Variants in SGIP1 observed in about 807,000 individuals in gnomAD.
SGIP1 encodes the protein SH3-containing GRB2-like protein 3-interacting protein 1.
A neutral mutation model predicts 107.5 loss-of-function variants in SGIP1; 38 were observed. That is an observed-to-expected ratio of 0.35 (90% CI 0.27 to 0.46). SGIP1 has a LOEUF of 0.46. Ranked by LOEUF, SGIP1 falls within the 20% of genes least tolerant of loss-of-function variation. SGIP1 has a pLI of 1.00. For missense variants in SGIP1, 929 were observed against 1,019.5 expected, an observed-to-expected ratio of 0.91 and a Z score of 1.21; for synonymous variants, 365 against 366.1, an observed-to-expected ratio of 1.00 and a Z score of 0.03.
chr1:66,667,626 A>G (rs1460397466), intron 9 of SGIP1, 85 bp downstream of exon 9: 1 of 1,212,792 alleles, frequency 8.2e-7, no homozygotes, highest in East Asian at 2.3e-5. Context: ...TTCCCATTAA[A>G]TTTATGATAA....
chr1:66,646,680 T>C (rs1337864793), intron 7 of SGIP1, among the ~76,000 whole-genome samples: 1 of 152,210 alleles, frequency 6.6e-6, no homozygotes, highest in Non-Finnish European at 1.5e-5. Flanking sequence ...TATAATTATA[T>C]GTATATACAA....
intron 1 of SGIP1, among the ~76,000 whole-genome samples, chr1:66,612,029 AAG>A (rs1324786349): frequency 1.5e-5 from 1 of 65,536 alleles, no homozygotes; most frequent in Non-Finnish European, 3.1e-5. Flanking sequence ...TTAGAAAGAG[AAG>A]GTTTATTTGG....
At chr1:66,631,084 AAAGAAAGAAAGAAAG>A (rs2074531145) in intron 2 of SGIP1, among the ~76,000 whole-genome samples, 1 of 143,684 alleles carries the variant, frequency 7.0e-6, no homozygotes, top group Non-Finnish European at 1.5e-5. Context: ...AGAAAGAAAG[AAAGAAAGAAAGAAAG>A]AAAAAAAGAA....
intron 1 of SGIP1, among the ~76,000 whole-genome samples, chr1:66,596,037 A>G (rs1305632819): frequency 6.6e-6 from 1 of 152,226 alleles, no homozygotes; most frequent in African/African-American, 2.4e-5. Flanking sequence ...TTATAAAATC[A>G]CATTTAAAAT....
chr1:66,631,708 TCTCTCTCTCTCTCTCTCTC>T (rs2074783642), intron 2 of SGIP1, among the ~76,000 whole-genome samples: 1 of 110,940 alleles, frequency 9.0e-6, no homozygotes, highest in South Asian at 2.9e-4. Flanking sequence ...TCTCTCTCTC[TCTCTCTCTCTCTCTCTCTC>T]TTCTCACGGG....
chr1:66,733,998 A>T, intron 21 of SGIP1, 118 bp downstream of exon 21: 2 of 1,152,602 alleles, frequency 1.7e-6, no homozygotes, highest in Non-Finnish European at 2.3e-6. Context: ...TAAAAGCTAT[A>T]ACTCATTTTT....
chr1:66,744,243 C>A lies in SGIP1; in HGVS notation c.*1148C>A, dbSNP rs1195014385. 2 of 152,034 alleles carry A rather than the reference C, an allele frequency of 1.3e-5. No individual in the cohort carries two copies. The highest frequency in any genetic ancestry group is 4.8e-5 in the African/African-American group (2 of 41,420). 9.4% of individuals were successfully genotyped at this position (152,034 alleles called of 1,614,324 possible). A position where few individuals can be genotyped will look rare whatever the true frequency, so the allele number is the denominator to read the frequency against. ...TTCACATTACTGTGTAATAAATTTCCTTTTGGATGATTAGGATTCATTGTA... is the reference window on the plus strand; with the variant it reads ...TTCACATTACTGTGTAATAAATTTCATTTTGGATGATTAGGATTCATTGTA... On this transcript the variant is annotated 3_prime_UTR_variant, in exon 25 of 25. Coordinates refer to ENST00000371037, the MANE Select transcript of SGIP1 (RefSeq NM_032291.4).
At chr1:66,722,102 T>C (rs1202736867) in intron 19 of SGIP1, among the ~76,000 whole-genome samples, 1 of 152,034 alleles carries the variant, frequency 6.6e-6, no homozygotes, top group African/African-American at 2.4e-5. Context: ...CACCTCCATA[T>C]TCACTCCACT....
chr1:66,695,330 C>T (rs1364186466), intron 17 of SGIP1, 104 bp from the exon 18 acceptor site: 1 of 1,595,828 alleles, frequency 6.3e-7, no homozygotes, highest in South Asian at 1.1e-5. Context: ...TGCCTCCACC[C>T]TTCCCTATAG....
At chr1:66,706,344 TATAA>T (rs988575113) in intron 18 of SGIP1, among the ~76,000 whole-genome samples, 6 of 42,800 alleles carry the variant, frequency 1.4e-4, no homozygotes, top group Non-Finnish European at 2.5e-4. Context: ...ATATGTAAAA[TATAA>T]ATAAATATTT....
chr1:66,572,748 C>G (rs1395621984), intron 1 of SGIP1, among the ~76,000 whole-genome samples: 1 of 151,962 alleles, frequency 6.6e-6, no homozygotes, highest in Non-Finnish European at 1.5e-5. Context: ...GTCTCCTCTT[C>G]AGTGTGGTGC....
At chr1:66,588,638 CTTTTTTT>C (rs35096597) in intron 1 of SGIP1, among the ~76,000 whole-genome samples, 4 of 98,668 alleles carry the variant, frequency 4.1e-5, no homozygotes, top group Admixed American at 1.1e-4. Context: ...CTAGTTAGTT[CTTTTTTT>C]TTTTTTTTTT....
intron 9 of SGIP1, among the ~76,000 whole-genome samples, chr1:66,668,013 A>T (rs2082955350): frequency 6.6e-6 from 1 of 152,206 alleles, no homozygotes; most frequent in Non-Finnish European, 1.5e-5. Flanking sequence ...GAATATACAG[A>T]TACATCATTA....
chr1:66,682,313 G>A lies in SGIP1; in HGVS notation c.1259G>A (p.Arg420Lys). The A allele has an allele frequency of 1.9e-6, 3 of 1,614,204 alleles. No homozygotes were observed. Among genetic ancestry groups the A allele is most frequent in the Non-Finnish European group, 2.5e-6 (3 of 1,180,024 alleles). The change falls in exon 15 of 25, where the codon AGG becomes AAG. Residue 420 changes from arginine (R) to lysine (K), a missense_variant. Physicochemically the swap from Arg to Lys is conservative, Grantham distance 26. Around this residue, in one of 2 missense-constraint regions of SGIP1, gnomAD observed 588 missense variants for 588.6 expected, o/e 1.00. Coordinates refer to ENST00000371037, the MANE Select transcript of SGIP1 (RefSeq NM_032291.4). ...TPPPPPPPTY[R>K]TVVSSPGPGS... ...CCTCCCCCACCACCACCCACCTACA[G>A]GACTGTGGTTTCGTCCCCCGGACCT... is the stretch of plus-strand genomic sequence containing the variant.
intron 1 of SGIP1, among the ~76,000 whole-genome samples, chr1:66,562,731 A>G (rs1856319): frequency 0.36 from 55,232 of 151,998 alleles, 10,894 homozygotes; most frequent in South Asian, 0.63. Flanking sequence ...GAAAGAAAAA[A>G]TTGAATTGCT....
chr1:66,698,012 G>C (rs1476584495), intron 18 of SGIP1, among the ~76,000 whole-genome samples: 1 of 152,114 alleles, frequency 6.6e-6, no homozygotes, highest in Non-Finnish European at 1.5e-5. Context: ...GTTCCAAATA[G>C]CTTTTCAATT....
chr1:66,636,720 G>T (rs971571611), intron 4 of SGIP1, among the ~76,000 whole-genome samples: 2 of 152,144 alleles, frequency 1.3e-5, no homozygotes, highest in African/African-American at 4.8e-5. Context: ...GTGGAGAAAA[G>T]ATAATATTTA....
At chr1:66,721,258 T>C (rs967343435) in intron 19 of SGIP1, among the ~76,000 whole-genome samples, 5 of 152,204 alleles carry the variant, frequency 3.3e-5, no homozygotes, top group African/African-American at 4.8e-5. Context: ...TATTCATACG[T>C]ATTTGTTCTG....
intron 1 of SGIP1, among the ~76,000 whole-genome samples, chr1:66,614,773 A>T (rs1477082799): frequency 6.6e-6 from 1 of 151,070 alleles, no homozygotes; most frequent in Non-Finnish European, 1.5e-5. Context: ...TTAGAATTAA[A>T]CAGAAGAATT....
Sources: allele counts gnomAD v4.1 joint callset (sites outside exome capture counted in the v4.1 genomes callset), GRCh38; gene constraint gnomAD v4.1.1; regional missense constraint gnomAD v4.1.1; transcripts MANE v1.5; gene names NCBI Gene and HGNC (gene_info 2026-07-23, HGNC 2026-07-21).